Variants in DLGAP1 observed in about 807,000 individuals in gnomAD.
DLGAP1 encodes the protein disks large-associated protein 1.
In DLGAP1, 11 loss-of-function variants were observed where a neutral mutation model predicts 90.8. The observed-to-expected ratio is 0.12, with a 90% CI of 0.08 to 0.20. The LOEUF (loss-of-function observed/expected upper bound fraction) is 0.20. Ranked by LOEUF, DLGAP1 falls within the 10% of genes least tolerant of loss-of-function variation. The pLI, the probability that DLGAP1 is intolerant of heterozygous loss-of-function variation, is 1.00. For missense variants in DLGAP1, 1,050 were observed against 1,333.8 expected, an observed-to-expected ratio of 0.79 and a Z score of 3.31; for synonymous variants, 558 against 540.7, an observed-to-expected ratio of 1.03 and a Z score of -0.44.
intron 3 of DLGAP1, among the ~76,000 whole-genome samples, chr18:3,979,218 A>T (rs372150055): frequency 1.4e-5 from 2 of 147,652 alleles, no homozygotes; most frequent in South Asian, 4.4e-4. Context: ...GTCCCATAAG[A>T]CTATAGAGCC....
At position 4,426,239 on chromosome 18, in the gene DLGAP1, T is replaced by C. The variant is rs191219739; in HGVS notation, c.-267+28767A>G. 1.9e-3 allele frequency among the ~76,000 whole-genome samples: 291 copies of C among 152,276 alleles called. 1 individual carries two copies. Among genetic ancestry groups the C allele is most frequent in the Middle Eastern group, 6.8e-3 (2 of 294 alleles). ...ACCCTAACCCCCATCTCCACACCCT[T>C]AGTGCATGTAGAAAATCAGTATGGC... On this transcript the variant is annotated intron_variant, in intron 1 of 12. Coordinates refer to ENST00000315677, the MANE Select transcript of DLGAP1 (RefSeq NM_004746.4).
chr18:4,409,408 T>C (rs995461734), intron 1 of DLGAP1, among the ~76,000 whole-genome samples: 9 of 152,206 alleles, frequency 5.9e-5, no homozygotes, highest in African/African-American at 2.2e-4. Flanking sequence ...TTACAGATAA[T>C]GTGATGTTGA....
At chr18:4,122,717 G>A (rs1250043375) in intron 2 of DLGAP1, among the ~76,000 whole-genome samples, 2 of 152,134 alleles carry the variant, frequency 1.3e-5, no homozygotes, top group Non-Finnish European at 2.9e-5. Context: ...ATTTCAAGGG[G>A]AGAATGAGAC....
chr18:4,255,273 A>C (rs1250184466), intron 1 of DLGAP1, among the ~76,000 whole-genome samples: 4 of 152,000 alleles, frequency 2.6e-5, no homozygotes, highest in African/African-American at 9.7e-5. Flanking sequence ...ATGAAAACTC[A>C]TTTTCATTAG....
intron 1 of DLGAP1, among the ~76,000 whole-genome samples, chr18:4,195,801 C>T (rs2081627957): frequency 6.6e-6 from 1 of 152,196 alleles, no homozygotes; most frequent in Admixed American, 6.5e-5. Flanking sequence ...GACTCACCCA[C>T]CTTGGCCTCC....
At chr18:4,090,617 G>A (rs1258493130) in intron 2 of DLGAP1, among the ~76,000 whole-genome samples, 1 of 152,188 alleles carries the variant, frequency 6.6e-6, no homozygotes, top group Non-Finnish European at 1.5e-5. Context: ...AAGCTGTGAA[G>A]AAATAGGAAC....
chr18:4,349,750 T>C (rs62085626), intron 1 of DLGAP1, among the ~76,000 whole-genome samples: 45,574 of 151,796 alleles, frequency 0.3, 7,750 homozygotes, highest in South Asian at 0.46. Context: ...TGAAAAAATG[T>C]ATTCTAATGA....
intron 3 of DLGAP1, among the ~76,000 whole-genome samples, chr18:3,901,995 A>C (rs2071794207): frequency 6.6e-6 from 1 of 152,186 alleles, no homozygotes; most frequent in African/African-American, 2.4e-5. Context: ...AAGCTCTCAG[A>C]GAATAAAGTG....
At chr18:3,662,588 G>C (rs1384635156) in intron 7 of DLGAP1, among the ~76,000 whole-genome samples, 1 of 152,142 alleles carries the variant, frequency 6.6e-6, no homozygotes, top group South Asian at 2.1e-4. Flanking sequence ...GACTTTTATG[G>C]GTGAGACATA....
At chr18:3,991,922 T>G (rs140191895) in intron 3 of DLGAP1, among the ~76,000 whole-genome samples, 2 of 152,316 alleles carry the variant, frequency 1.3e-5, no homozygotes, top group East Asian at 3.9e-4. Context: ...GGATTCTTTG[T>G]GATATTTTGA....
At chr18:3,697,790 A>G (rs1376600528) in intron 7 of DLGAP1, among the ~76,000 whole-genome samples, 1 of 152,134 alleles carries the variant, frequency 6.6e-6, no homozygotes, top group Non-Finnish European at 1.5e-5. Flanking sequence ...GGGGTGTTTA[A>G]GTCTCCCACT....
Position 4,383,042 on chromosome 18 carries a change from C to T in DLGAP1, c.-267+71964G>A, listed in dbSNP as rs552085803. Reference sequence around the variant, plus strand: ...GATAACCAGCCATGTCTTTCCATTACATTATCTTGCCTAATAGAGGTCAAA... The same window carrying T: ...GATAACCAGCCATGTCTTTCCATTATATTATCTTGCCTAATAGAGGTCAAA... On this transcript the variant is annotated intron_variant, in intron 1 of 12. Coordinates refer to ENST00000315677, the MANE Select transcript of DLGAP1 (RefSeq NM_004746.4). This position sits in a 1 kb window ranked among gnomAD's most constrained non-coding sequence, Gnocchi z 4.0. Among the ~76,000 whole-genome samples, 28 of 152,210 alleles carry T rather than the reference C, an allele frequency of 1.8e-4. No individual in the cohort carries two copies. The East Asian group carries it at 5.2e-3, about 28-fold the overall frequency.
intron 2 of DLGAP1, among the ~76,000 whole-genome samples, chr18:4,023,721 C>T (rs2074651744): frequency 6.6e-6 from 1 of 152,100 alleles, no homozygotes; most frequent in African/African-American, 2.4e-5. Flanking sequence ...CTGTAGGTGT[C>T]ATCTAGTTCA....
At position 4,056,169 on chromosome 18, in the gene DLGAP1, C is replaced by G. The variant is rs557755037; in HGVS notation, c.-158-50968G>C. On this transcript the variant is annotated intron_variant, in intron 2 of 12. Transcript: ENST00000315677. The stretch of plus-strand genomic sequence containing the variant: ...AAGGGGGCAGGAGAAGGCCGTGGAG[C>G]CTTCAGACCAAAGCTCAGGTCTGAT... Among the ~76,000 whole-genome samples the G allele has an allele frequency of 3.9e-5, 6 of 152,202 alleles. No individual in the cohort carries two copies. In the South Asian group the frequency reaches 6.2e-4, roughly 16 times the overall value.
At chr18:4,434,828 G>T (rs1280883549) in intron 1 of DLGAP1, among the ~76,000 whole-genome samples, 1 of 152,162 alleles carries the variant, frequency 6.6e-6, no homozygotes, top group Non-Finnish European at 1.5e-5. Flanking sequence ...AGGAAGTAAG[G>T]ACATCCCAAG....
intron 11 of DLGAP1, among the ~76,000 whole-genome samples, chr18:3,504,111 A>G (rs934491922): frequency 3.3e-5 from 5 of 152,104 alleles, no homozygotes; most frequent in South Asian, 4.1e-4. Context: ...ATAAATAAAT[A>G]AACAGATAGA....
intron 7 of DLGAP1, among the ~76,000 whole-genome samples, chr18:3,606,303 G>T (rs985340107): frequency 1.3e-5 from 2 of 152,058 alleles, no homozygotes; most frequent in African/African-American, 4.8e-5. Context: ...ACCCTTCCCC[G>T]CTTCCTTCCC....
rs561224108 is a variant in DLGAP1, at chr18:3,576,710, A to G, written c.1965+5165T>C. 4.0e-5 allele frequency among the ~76,000 whole-genome samples: 6 copies of G among 151,174 alleles called. No homozygotes were observed. In the South Asian group the frequency reaches 1.3e-3, roughly 32 times the overall value. On this transcript the variant is annotated intron_variant, in intron 8 of 12. Coordinates refer to ENST00000315677, the MANE Select transcript of DLGAP1 (RefSeq NM_004746.4). ...CTCCCGAGTAGCTGGAATTACAGGC[A>G]TGCACCACCATGCCCGGCTAATTTT...
chr18:4,372,203 C>T (rs1297038712), intron 1 of DLGAP1, among the ~76,000 whole-genome samples: 2 of 152,130 alleles, frequency 1.3e-5, no homozygotes, highest in Non-Finnish European at 2.9e-5. Flanking sequence ...GTACACAGAA[C>T]CAGGTATAAA....
Sources: gnomAD v4.1 joint callset for allele counts (sites outside exome capture counted in the v4.1 genomes callset) on GRCh38, gnomAD v4.1.1 for gene constraint, Gnocchi (gnomAD v3.1) non-coding constraint, MANE v1.5 for transcripts, NCBI Gene and HGNC (gene_info 2026-07-23, HGNC 2026-07-21) for gene names.